NSUN6: variants seen among roughly 807,000 people sequenced by gnomAD.
NSUN6 encodes the protein NOP2/Sun RNA methyltransferase 6.
In NSUN6, 64 loss-of-function variants were observed where a neutral mutation model predicts 58.0. That is an observed-to-expected ratio of 1.10 (90% confidence interval 0.90 to 1.36). The LOEUF is 1.36. Ranked by LOEUF, NSUN6 falls within the 40% of genes most tolerant of loss-of-function variation. The pLI is 0.00. For synonymous variants in NSUN6, 231 were observed against 193.9 expected (o/e 1.19, Z -1.59); for missense variants, 701 against 550.1 (o/e 1.27, Z -2.74).
chr10:18,632,750 G>A (rs1261524458), intron 3 of NSUN6, among the ~76,000 whole-genome samples: 1 of 152,122 alleles, frequency 6.6e-6, no homozygotes, highest in Non-Finnish European at 1.5e-5. Flanking sequence ...AAAAAGTCAG[G>A]AAACAACAGG....
chr10:18,633,149 G>C (rs371575014), intron 3 of NSUN6, among the ~76,000 whole-genome samples: 3 of 151,854 alleles, frequency 2.0e-5, no homozygotes, highest in East Asian at 3.9e-4. Context: ...AGTAAACTAT[G>C]GCAAGAACAA....
intron 8 of NSUN6, among the ~76,000 whole-genome samples, chr10:18,572,017 G>A (rs1036837460): frequency 7.6e-6 from 1 of 130,720 alleles, no homozygotes; most frequent in Non-Finnish European, 1.6e-5. Context: ...ATTCTCCATT[G>A]CATTTCATTC....
chr10:18,590,764 G>A (rs1268191311), intron 7 of NSUN6, among the ~76,000 whole-genome samples: 1 of 152,216 alleles, frequency 6.6e-6, no homozygotes, highest in Non-Finnish European at 1.5e-5. Flanking sequence ...GCAGTGTTAA[G>A]AGGGAAATTT....
chr10:18,631,248 G>T (rs1300972644), intron 3 of NSUN6, among the ~76,000 whole-genome samples: 3 of 149,570 alleles, frequency 2.0e-5, no homozygotes, highest in African/African-American at 4.9e-5. Context: ...TTGATGGGAC[G>T]TATCTCAAAA....
upstream of NSUN6, among the ~76,000 whole-genome samples, chr10:18,654,089 T>G (rs564098845): frequency 3.3e-5 from 5 of 152,266 alleles, no homozygotes; most frequent in East Asian, 9.7e-4. Flanking sequence ...AAAAGGTTGA[T>G]AAAACACTGA....
chr10:18,635,051 T>C (rs1431619577), intron 3 of NSUN6, among the ~76,000 whole-genome samples: 1 of 152,196 alleles, frequency 6.6e-6, no homozygotes, highest in Non-Finnish European at 1.5e-5. Flanking sequence ...TCGGAACACC[T>C]GCTTTCCTTT....
At chr10:18,614,319 G>GT (rs754168822) in intron 5 of NSUN6, 141 bp downstream of exon 5, 32 of 417,892 alleles carry the variant, frequency 7.7e-5, no homozygotes, top group Non-Finnish European at 1.1e-4. Context: ...GGAAATATGG[G>GT]TTTAAACAAT....
chr10:18,619,764 A>C (rs2058535364), intron 3 of NSUN6, among the ~76,000 whole-genome samples: 1 of 152,180 alleles, frequency 6.6e-6, no homozygotes, highest in South Asian at 2.1e-4. Flanking sequence ...CTTTTGAAAA[A>C]ATTTCTGAAA....
chr10:18,626,048 G>A (rs749842442), intron 3 of NSUN6, among the ~76,000 whole-genome samples: 16 of 152,110 alleles, frequency 1.1e-4, no homozygotes, highest in Non-Finnish European at 2.1e-4. Flanking sequence ...AACGCAGTAC[G>A]TAAGAGTCAC....
At chr10:18,643,000 G>T (rs941503650) in intron 2 of NSUN6, among the ~76,000 whole-genome samples, 1 of 151,960 alleles carries the variant, frequency 6.6e-6, no homozygotes, top group Admixed American at 6.6e-5. Context: ...TTATGGTAGA[G>T]GTTTGGGATT....
At chr10:18,609,061 C>T (rs1056784619) in intron 6 of NSUN6, among the ~76,000 whole-genome samples, 11 of 152,110 alleles carry the variant, frequency 7.2e-5, no homozygotes, top group Admixed American at 2.0e-4. Context: ...ATAATTCCAA[C>T]ACTTTGGGAG....
intron 3 of NSUN6, among the ~76,000 whole-genome samples, chr10:18,624,979 T>C (rs1191282105): frequency 6.6e-6 from 1 of 152,228 alleles, no homozygotes; most frequent in Non-Finnish European, 1.5e-5. Flanking sequence ...AGGGTGCCTA[T>C]GTGACCAGCC....
At chr10:18,590,528 C>A (rs1471652816) in intron 7 of NSUN6, among the ~76,000 whole-genome samples, 1 of 152,128 alleles carries the variant, frequency 6.6e-6, no homozygotes, top group East Asian at 1.9e-4. Context: ...TCAGCAAATG[C>A]AAAAGAATGG....
At chr10:18,597,848 C>G (rs2057654903) in intron 6 of NSUN6, among the ~76,000 whole-genome samples, 1 of 152,174 alleles carries the variant, frequency 6.6e-6, no homozygotes, top group Non-Finnish European at 1.5e-5. Flanking sequence ...AATCTAAGAT[C>G]ACCACTTTGA....
At chr10:18,640,325 G>A (rs548671667) in intron 3 of NSUN6, among the ~76,000 whole-genome samples, 1 of 152,284 alleles carries the variant, frequency 6.6e-6, no homozygotes, top group Non-Finnish European at 1.5e-5. Flanking sequence ...AGATGTAACA[G>A]ATGATTACTT....
chr10:18,597,872 G>A (rs375039750), intron 6 of NSUN6, among the ~76,000 whole-genome samples: 6 of 152,290 alleles, frequency 3.9e-5, no homozygotes, highest in African/African-American at 1.4e-4. Flanking sequence ...AAACTCAGTG[G>A]TGAGAAAGCA....
intron 7 of NSUN6, among the ~76,000 whole-genome samples, chr10:18,594,429 C>G (rs11015037): frequency 0.04 from 4,838 of 121,742 alleles, 266 homozygotes; most frequent in African/African-American, 0.13. Flanking sequence ...TAGACACTTT[C>G]TGTTTTTTTT....
intron 8 of NSUN6, among the ~76,000 whole-genome samples, chr10:18,576,093 A>C (rs1035264564): frequency 6.6e-6 from 1 of 152,152 alleles, no homozygotes; most frequent in African/African-American, 2.4e-5. Flanking sequence ...ATCCAGAGTC[A>C]TGGGCCATAG....
chr10:18,545,643 C>T lies in NSUN6; in HGVS notation c.*290G>A, dbSNP rs1052026109. 1.7e-5 allele frequency: 4 copies of T among 232,072 alleles called. No homozygotes were observed. Among genetic ancestry groups the T allele is most frequent in the African/African-American group, 9.2e-5 (4 of 43,538 alleles). 14.4% of individuals were successfully genotyped at this position (232,072 alleles called of 1,614,324 possible). On this transcript the variant is annotated 3_prime_UTR_variant, in exon 11 of 11. Transcript: ENST00000377304. ...GACTTGTACACTTTACAAATTAAAA[C>T]ATTAGATCACAAATGAAAATATGCT... is the stretch of plus-strand genomic sequence containing the variant.
Sources: gnomAD v4.1 joint callset for allele counts (sites outside exome capture counted in the v4.1 genomes callset) on GRCh38, gnomAD v4.1.1 for gene constraint, MANE v1.5 for transcripts, NCBI Gene and HGNC (gene_info 2026-07-23, HGNC 2026-07-21) for gene names.